Variants in SMYD3 observed in about 807,000 individuals in gnomAD.
SMYD3 encodes histone-lysine N-methyltransferase SMYD3.
In SMYD3, 36 loss-of-function variants were observed where a neutral mutation model predicts 57.7. That is an observed-to-expected ratio of 0.62 (90% CI 0.48 to 0.82). The LOEUF (loss-of-function observed/expected upper bound fraction) is 0.82. SMYD3 is among the 40% of genes least tolerant of loss of function. SMYD3 has a pLI of 0.00. For synonymous variants in SMYD3, 211 were observed against 195.0 expected, an observed-to-expected ratio of 1.08 and a Z score of -0.68; for missense variants, 515 against 538.8, an observed-to-expected ratio of 0.96 and a Z score of 0.44.
chr1:246,199,678 T>A (rs536745590), intron 5 of SMYD3, among the ~76,000 whole-genome samples: 79 of 152,240 alleles, frequency 5.2e-4, no homozygotes, highest in African/African-American at 1.8e-3. Context: ...CTTGGTGGGG[T>A]GGATGCTTAC....
At chr1:245,869,481 AAT>A (rs1420129628) in intron 8 of SMYD3, among the ~76,000 whole-genome samples, 1 of 152,166 alleles carries the variant, frequency 6.6e-6, no homozygotes, top group Non-Finnish European at 1.5e-5. Flanking sequence ...GTGCAGAACC[AAT>A]TTAGCTCCAT....
chr1:246,381,546 G>A (rs988448043), intron 1 of SMYD3, among the ~76,000 whole-genome samples: 1 of 152,130 alleles, frequency 6.6e-6, no homozygotes, highest in East Asian at 1.9e-4. Flanking sequence ...TACCATGAAG[G>A]AAGACCAATG....
chr1:246,381,430 G>A (rs1034316580), intron 1 of SMYD3, among the ~76,000 whole-genome samples: 1 of 152,170 alleles, frequency 6.6e-6, no homozygotes, highest in African/African-American at 2.4e-5. Context: ...GACACTACCT[G>A]GTGAGAAACA....
At chr1:246,003,954 C>A (rs12754740) in intron 5 of SMYD3, among the ~76,000 whole-genome samples, 3 of 151,984 alleles carry the variant, frequency 2.0e-5, no homozygotes, top group Non-Finnish European at 4.4e-5. Context: ...GTTATATAAG[C>A]TCAGGTATGA....
Position 246,002,468 on chromosome 1 carries a change from G to T in SMYD3, c.532-72531C>A, listed in dbSNP as rs113183690. On this transcript the variant is annotated intron_variant, in intron 5 of 11. Coordinates refer to ENST00000490107, the MANE Select transcript of SMYD3 (RefSeq NM_001167740.2). ...CAAAGTGCTGGGATTACAGGCGCCC[G>T]CCACCACGCCCGGCTAATTTTTTGT... Among the ~76,000 whole-genome samples the T allele has an allele frequency of 5.5e-5, 2 of 36,600 alleles. 1 individual carries two copies. Among genetic ancestry groups the T allele is most frequent in the Non-Finnish European group, 1.2e-4 (2 of 16,094 alleles). The allele number at this position is 36,600 out of a possible 152,430, so 24.0% of individuals were successfully genotyped here.
intron 5 of SMYD3, among the ~76,000 whole-genome samples, chr1:245,931,306 C>T (rs75619796): frequency 0.016 from 2,385 of 152,184 alleles, 59 homozygotes; most frequent in African/African-American, 0.054. Context: ...AATGGTGACT[C>T]GGATGTCGGT....
intron 5 of SMYD3, among the ~76,000 whole-genome samples, chr1:246,176,604 C>T (rs1165128169): frequency 6.6e-6 from 1 of 152,188 alleles, no homozygotes; most frequent in African/African-American, 2.4e-5. Context: ...CTCACTGCAG[C>T]CTTGACCTCC....
At chr1:246,315,435 C>T (rs978363021) in intron 5 of SMYD3, among the ~76,000 whole-genome samples, 1 of 152,032 alleles carries the variant, frequency 6.6e-6, no homozygotes, top group African/African-American at 2.4e-5. Flanking sequence ...ATAGAGAGGG[C>T]GAGGGAAGAT....
At chr1:246,030,243 A>G (rs1343289063) in intron 5 of SMYD3, among the ~76,000 whole-genome samples, 1 of 152,212 alleles carries the variant, frequency 6.6e-6, no homozygotes, top group Non-Finnish European at 1.5e-5. Flanking sequence ...GCCATAGAAA[A>G]GAATGGAATC....
At chr1:245,850,971 T>TC (rs61271049) in intron 10 of SMYD3, among the ~76,000 whole-genome samples, 30,634 of 151,914 alleles carry the variant, frequency 0.2, 4,533 homozygotes, top group East Asian at 0.59. Flanking sequence ...AACAGGGGTT[T>TC]AGCCATAGGG....
chr1:246,277,401 T>A (rs2064355837), intron 5 of SMYD3, among the ~76,000 whole-genome samples: 1 of 152,142 alleles, frequency 6.6e-6, no homozygotes, highest in South Asian at 2.1e-4. Context: ...CTGGAATGCA[T>A]CATCACTTTG....
intron 5 of SMYD3, among the ~76,000 whole-genome samples, chr1:246,315,615 G>C (rs576909578): frequency 6.6e-6 from 1 of 152,306 alleles, no homozygotes; most frequent in South Asian, 2.1e-4. Flanking sequence ...ACCAGGACAC[G>C]CTGATACGTT....
At chr1:246,147,057 G>T (rs1242130495) in intron 5 of SMYD3, among the ~76,000 whole-genome samples, 3 of 152,166 alleles carry the variant, frequency 2.0e-5, no homozygotes, top group Non-Finnish European at 4.4e-5. Flanking sequence ...CGCTTCTTGC[G>T]TTGGTGGCGG....
intron 5 of SMYD3, among the ~76,000 whole-genome samples, chr1:246,316,810 A>G (rs1356404288): frequency 6.6e-6 from 1 of 150,940 alleles, no homozygotes; most frequent in Non-Finnish European, 1.5e-5. Context: ...CCTGGCCAAC[A>G]TGGTGAAACC....
intron 5 of SMYD3, among the ~76,000 whole-genome samples, chr1:246,269,262 A>G (rs2064170171): frequency 6.6e-6 from 1 of 152,196 alleles, no homozygotes; most frequent in Non-Finnish European, 1.5e-5. Flanking sequence ...CAACACAGCA[A>G]GAGCCTGTGT....
intron 5 of SMYD3, among the ~76,000 whole-genome samples, chr1:246,123,617 CACA>C (rs1381187198): frequency 6.8e-6 from 1 of 147,484 alleles, no homozygotes; most frequent in Non-Finnish European, 1.5e-5. Context: ...CACACACACA[CACA>C]AATCATTCTG....
chr1:246,297,119 T>C (rs10802387), intron 5 of SMYD3, among the ~76,000 whole-genome samples: 16,121 of 152,160 alleles, frequency 0.11, 1,710 homozygotes, highest in African/African-American at 0.27. Context: ...GACAAAAATT[T>C]ACTCATTCAC....
intron 5 of SMYD3, among the ~76,000 whole-genome samples, chr1:246,135,220 C>G: frequency 6.6e-6 from 1 of 152,094 alleles, no homozygotes; most frequent in East Asian, 1.9e-4. Flanking sequence ...CTCACTACTC[C>G]TCTGTGAATG....
At chr1:246,134,318 G>A (rs1306626867) in intron 5 of SMYD3, among the ~76,000 whole-genome samples, 1 of 151,920 alleles carries the variant, frequency 6.6e-6, no homozygotes, top group Non-Finnish European at 1.5e-5. Flanking sequence ...AATTTAAAAT[G>A]CAGCTTTCTA....
Sources: gnomAD v4.1 joint callset for allele counts (sites outside exome capture counted in the v4.1 genomes callset) on GRCh38, gnomAD v4.1.1 for gene constraint, MANE v1.5 for transcripts, NCBI Gene and HGNC (gene_info 2026-07-23, HGNC 2026-07-21) for gene names.